The following TSNARE1 variants were observed in gnomAD, a reference collection of about 807,000 sequenced individuals.
TSNARE1 encodes the protein t-SNARE domain containing 1, also known as t-SNARE domain-containing protein 1.
A neutral mutation model predicts 62.0 loss-of-function variants in TSNARE1; 49 were observed. The ratio of observed to expected loss-of-function variants is 0.79; its 90% confidence interval spans 0.63 to 1.00. TSNARE1 has a LOEUF of 1.00. TSNARE1 is among the 50% of genes least tolerant of loss of function. The pLI is 0.00. For missense variants in TSNARE1, 755 were observed against 700.1 expected (o/e 1.08, Z -0.88); for synonymous variants, 328 against 294.4 (o/e 1.11, Z -1.17).
chr8:142,388,167 C>G (rs1250449466), intron 1 of TSNARE1, among the ~76,000 whole-genome samples: 3 of 151,930 alleles, frequency 2.0e-5, no homozygotes, highest in Non-Finnish European at 2.9e-5. Flanking sequence ...TATGATCACC[C>G]CATAGATGAT....
intron 4 of TSNARE1, among the ~76,000 whole-genome samples, chr8:142,343,296 C>A (rs1377239423): frequency 6.6e-6 from 1 of 152,162 alleles, no homozygotes; most frequent in Non-Finnish European, 1.5e-5. Context: ...TTTCAAACCA[C>A]GGCGCTGAAA....
intron 12 of TSNARE1, among the ~76,000 whole-genome samples, chr8:142,246,378 G>A (rs1817884823): frequency 6.6e-6 from 1 of 152,136 alleles, no homozygotes; most frequent in Non-Finnish European, 1.5e-5. Flanking sequence ...AGGTCCTCCT[G>A]CTGCTGGCTG....
intron 13 of TSNARE1, among the ~76,000 whole-genome samples, chr8:142,227,388 A>C (rs13270218): frequency 0.12 from 3,095 of 24,986 alleles, 40 homozygotes; most frequent in Admixed American, 0.22. Context: ...CCATCCTGCC[A>C]ATAGCCCCAG....
intron 1 of TSNARE1, among the ~76,000 whole-genome samples, chr8:142,361,605 G>A (rs542571595): frequency 6.6e-6 from 1 of 152,302 alleles, no homozygotes; most frequent in Non-Finnish European, 1.5e-5. Context: ...GCTTTCTGCA[G>A]CCCCCAGCCT....
rs555632347 is a variant in TSNARE1, at chr8:142,271,541, G to A, written c.1446+3240C>T. 634 of 1,377,578 alleles carry A rather than the reference G, an allele frequency of 4.6e-4. 1 individual carries two copies. Among genetic ancestry groups the A allele is most frequent in the Admixed American group, 9.7e-4 (30 of 30,952 alleles). 85.3% of individuals were successfully genotyped at this position (1,377,578 alleles called of 1,614,324 possible). A position where few individuals can be genotyped will look rare whatever the true frequency, so the allele number is the denominator to read the frequency against. ...CCCCATGAGTGTGGTTGCTGGTGGG[G>A]TGGAGGCTGGGGAAGCAGGTGGGGA... On this transcript the variant is annotated intron_variant, in intron 12 of 13. Coordinates refer to ENST00000524325, the MANE Select transcript of TSNARE1 (RefSeq NM_145003.5).
At chr8:142,326,074 A>C (rs1169660721) in intron 6 of TSNARE1, 2 of 166,096 alleles carry the variant, frequency 1.2e-5, no homozygotes, top group Non-Finnish European at 2.5e-5. Context: ...AAGGCCCCGG[A>C]GAGCACGAGA....
intron 11 of TSNARE1, chr8:142,278,210 G>C (rs1820812834): frequency 1.0e-6 from 1 of 985,300 alleles, no homozygotes; most frequent in Admixed American, 6.1e-5. Context: ...CCCAGCCACA[G>C]GGTTGGCTGG....
intron 9 of TSNARE1, among the ~76,000 whole-genome samples, chr8:142,307,721 G>C (rs1040464903): frequency 6.6e-6 from 1 of 152,168 alleles, no homozygotes; most frequent in African/African-American, 2.4e-5. Flanking sequence ...GATACGAAGG[G>C]CCAACTGAAT....
intron 12 of TSNARE1, among the ~76,000 whole-genome samples, chr8:142,268,281 T>C (rs1294437963): frequency 1.3e-5 from 2 of 152,202 alleles, no homozygotes; most frequent in African/African-American, 4.8e-5. Flanking sequence ...AAAGGGCACG[T>C]GTGCACTGTG....
intron 11 of TSNARE1, chr8:142,280,101 A>T: frequency 8.5e-7 from 1 of 1,173,422 alleles, no homozygotes; most frequent in South Asian, 1.6e-5. Flanking sequence ...GCTTTCGGGC[A>T]GGTGTGCCCC....
intron 12 of TSNARE1, chr8:142,271,422 G>T: frequency 8.8e-6 from 11 of 1,249,744 alleles, no homozygotes; most frequent in Non-Finnish European, 1.1e-5. Flanking sequence ...AGCAGCTGCT[G>T]CTCAAATGCG....
intron 1 of TSNARE1, among the ~76,000 whole-genome samples, chr8:142,402,185 G>T (rs1236616373): frequency 1.3e-5 from 2 of 152,154 alleles, no homozygotes; most frequent in African/African-American, 4.8e-5. Flanking sequence ...GGCTGGAAAG[G>T]CACCTGGCAG....
chr8:142,316,213 G>T (rs1015867344), intron 7 of TSNARE1, among the ~76,000 whole-genome samples: 10 of 151,842 alleles, frequency 6.6e-5, no homozygotes, highest in African/African-American at 2.4e-4. Context: ...GAAGAGGTCA[G>T]ACACAGGCGT....
At chr8:142,245,654 C>A (rs568699926) in intron 12 of TSNARE1, among the ~76,000 whole-genome samples, 1 of 152,310 alleles carries the variant, frequency 6.6e-6, no homozygotes, top group East Asian at 1.9e-4. Flanking sequence ...ATCTTACCAA[C>A]ATTTCCTGCA....
intron 4 of TSNARE1, among the ~76,000 whole-genome samples, chr8:142,339,405 G>A (rs1033842879): frequency 1.3e-5 from 2 of 152,040 alleles, no homozygotes; most frequent in African/African-American, 4.8e-5. Flanking sequence ...TCACAGGCCC[G>A]TGGACCTATA....
intron 1 of TSNARE1, among the ~76,000 whole-genome samples, chr8:142,401,310 C>A (rs1838273388): frequency 6.6e-6 from 1 of 152,132 alleles, no homozygotes; most frequent in Admixed American, 6.5e-5. Context: ...GCCACAGAGG[C>A]TCCCAGGCAC....
chr8:142,364,003 C>A (rs941750689), intron 1 of TSNARE1, among the ~76,000 whole-genome samples: 5 of 152,340 alleles, frequency 3.3e-5, no homozygotes, highest in African/African-American at 1.2e-4. Context: ...ACCAGGAATT[C>A]TCTAACTGAA....
At chr8:142,357,613 G>C (rs1834849516) in intron 1 of TSNARE1, among the ~76,000 whole-genome samples, 1 of 152,198 alleles carries the variant, frequency 6.6e-6, no homozygotes, top group Non-Finnish European at 1.5e-5. Context: ...CAAGTCCTAA[G>C]TTCTGGCCCA....
At chr8:142,257,080 C>T (rs1434249137) in intron 12 of TSNARE1, among the ~76,000 whole-genome samples, 1 of 152,212 alleles carries the variant, frequency 6.6e-6, no homozygotes, top group Non-Finnish European at 1.5e-5. Context: ...ACATACCCAT[C>T]CCCCAATCAC....
Sources: gnomAD v4.1 joint callset for allele counts (sites outside exome capture counted in the v4.1 genomes callset) on GRCh38, gnomAD v4.1.1 for gene constraint, MANE v1.5 for transcripts, NCBI Gene and HGNC (gene_info 2026-07-23, HGNC 2026-07-21) for gene names.